The following ETV1 variants were observed in gnomAD, a reference collection of about 807,000 sequenced individuals.
ETV1 encodes the protein ETS variant transcription factor 1.
In ETV1, 27 loss-of-function variants were observed where a neutral mutation model predicts 62.3. That is an observed-to-expected ratio of 0.43 (90% confidence interval 0.32 to 0.60). The LOEUF is 0.60. Ranked by LOEUF, ETV1 falls within the 20% of genes least tolerant of loss-of-function variation. ETV1 has a pLI of 0.06. For missense variants in ETV1, 605 were observed against 605.8 expected, an observed-to-expected ratio of 1.00 and a Z score of 0.01; for synonymous variants, 222 against 199.6, an observed-to-expected ratio of 1.11 and a Z score of -0.94.
intron 12 of ETV1, among the ~76,000 whole-genome samples, chr7:13,901,163 C>T (rs1782381662): frequency 6.6e-6 from 1 of 152,112 alleles, no homozygotes; most frequent in African/African-American, 2.4e-5. Context: ...CCCCACCACG[C>T]CCGGCTAATT....
At chr7:13,929,423 A>G (rs1038980206) in intron 9 of ETV1, among the ~76,000 whole-genome samples, 5 of 152,186 alleles carry the variant, frequency 3.3e-5, no homozygotes, top group Non-Finnish European at 7.3e-5. Context: ...ACAACCTCTC[A>G]GCCATGTCAA....
intron 5 of ETV1, 46 bp from the exon 6 acceptor site, chr7:13,977,526 CA>C: frequency 7.7e-7 from 1 of 1,301,270 alleles, no homozygotes; most frequent in South Asian, 1.3e-5. Flanking sequence ...GAGAAACTGC[CA>C]AAAGCATAAG....
rs189588904 is a variant in ETV1 at position 13,910,542 on chromosome 7, C to T, written c.871+697G>A. On this transcript the variant is annotated intron_variant, in intron 10 of 13. Transcript: ENST00000430479. ...TTTAAAATTCTACTAATATCATTTA[C>T]ACAAAATAACCAATATTAGACCTAG... 6.6e-4 allele frequency: 341 copies of T among 515,098 alleles called. 3 individuals carry two copies. Among genetic ancestry groups the T allele is most frequent in the Non-Finnish European group, 1.2e-4 (48 of 400,482 alleles). The allele number at this position is 515,098 out of a possible 1,614,324, so 31.9% of individuals were successfully genotyped here.
At chr7:13,931,283 GGT>G (rs1342234644) in intron 9 of ETV1, among the ~76,000 whole-genome samples, 1 of 152,136 alleles carries the variant, frequency 6.6e-6, no homozygotes, top group Non-Finnish European at 1.5e-5. Flanking sequence ...TCTTTAAACT[GGT>G]TTTGTTTCCA....
At chr7:13,947,027 C>T (rs552135121) in intron 6 of ETV1, among the ~76,000 whole-genome samples, 135 of 152,188 alleles carry the variant, frequency 8.9e-4, no homozygotes, top group Non-Finnish European at 2.2e-4. Flanking sequence ...CAGACCGCCT[C>T]GGCCTCCCAA....
intron 12 of ETV1, 146 bp from the exon 13 acceptor site, chr7:13,900,985 A>T: frequency 4.1e-6 from 2 of 486,050 alleles, no homozygotes; most frequent in Non-Finnish European, 7.1e-6. Context: ...CGTAATCTGG[A>T]TTTCCTGTCT....
intron 9 of ETV1, among the ~76,000 whole-genome samples, chr7:13,918,977 AG>A (rs1425906247): frequency 6.6e-6 from 1 of 152,012 alleles, no homozygotes; most frequent in Admixed American, 6.6e-5. Flanking sequence ...CTTATCCTCT[AG>A]CCCCAAATAC....
At chr7:13,920,370 C>CCA (rs1316873802) in intron 9 of ETV1, among the ~76,000 whole-genome samples, 2 of 152,152 alleles carry the variant, frequency 1.3e-5, no homozygotes, top group African/African-American at 4.8e-5. Flanking sequence ...AGTCAACTGG[C>CCA]ATAAGCAGCA....
At chr7:13,975,703 A>G (rs532556862) in intron 6 of ETV1, among the ~76,000 whole-genome samples, 1 of 151,112 alleles carries the variant, frequency 6.6e-6, no homozygotes, top group African/African-American at 2.4e-5. Context: ...TGTAAAAAAC[A>G]AAAAAAAATA....
chr7:13,974,310 G>T (rs980376731), intron 6 of ETV1, among the ~76,000 whole-genome samples: 2 of 152,176 alleles, frequency 1.3e-5, no homozygotes, highest in African/African-American at 4.8e-5. Context: ...AATTAGAAGG[G>T]CTAAAGTACA....
chr7:13,904,166 T>C (rs1306730790), intron 12 of ETV1, among the ~76,000 whole-genome samples: 1 of 152,196 alleles, frequency 6.6e-6, no homozygotes, highest in Non-Finnish European at 1.5e-5. Context: ...CATTGCCTGA[T>C]GGAAGTAATT....
chr7:13,928,348 G>A (rs1301338315), intron 9 of ETV1, among the ~76,000 whole-genome samples: 1 of 152,200 alleles, frequency 6.6e-6, no homozygotes, highest in Non-Finnish European at 1.5e-5. Context: ...TGGGCGTGGT[G>A]GCTCACGCTT....
intron 9 of ETV1, among the ~76,000 whole-genome samples, chr7:13,920,163 C>T (rs1784674272): frequency 6.6e-6 from 1 of 152,126 alleles, no homozygotes; most frequent in Admixed American, 6.5e-5. Context: ...CCTTTCCTGC[C>T]TGTAAAATCC....
At chr7:13,941,225 TAA>T (rs1308461499) in intron 6 of ETV1, among the ~76,000 whole-genome samples, 1 of 152,204 alleles carries the variant, frequency 6.6e-6, no homozygotes, top group Admixed American at 6.5e-5. Flanking sequence ...AAACCAACTA[TAA>T]AAAGACAACT....
At chr7:13,986,419 G>T (rs1054706750) in intron 5 of ETV1, 1 of 1,486,470 alleles carries the variant, frequency 6.7e-7, no homozygotes, top group African/African-American at 1.4e-5. Flanking sequence ...TTGTGAGCTG[G>T]AAGCAATTTC....
chr7:13,988,632 A>T, intron 3 of ETV1: 1 of 1,492,104 alleles, frequency 6.7e-7, no homozygotes, highest in African/African-American at 1.5e-5. Context: ...AAAAAAAAAG[A>T]AACAAAAACA....
Position 13,989,084 on chromosome 7 carries a change from T to C in ETV1, c.-32A>G. 6.9e-7 allele frequency: 1 copy of C among 1,455,436 alleles called. No individual in the cohort carries two copies. The highest frequency in any genetic ancestry group is 9.0e-7 in the Non-Finnish European group (1 of 1,105,090). 90.2% of individuals were successfully genotyped at this position (1,455,436 alleles called of 1,614,324 possible). On this transcript the variant is annotated 5_prime_UTR_variant, in exon 3 of 14. Transcript: ENST00000430479. Reference sequence around the variant, plus strand: ...GCTCTTCGCAAATCTCAGCTCAGTATTTTATATTTTGAGCATTTAGCTGGA... The same window carrying C: ...GCTCTTCGCAAATCTCAGCTCAGTACTTTATATTTTGAGCATTTAGCTGGA...
intron 13 of ETV1, among the ~76,000 whole-genome samples, chr7:13,899,231 A>C (rs901917726): frequency 6.6e-6 from 1 of 152,188 alleles, no homozygotes; most frequent in Non-Finnish European, 1.5e-5. Context: ...TATTTGAAGG[A>C]TCTTACTACA....
intron 3 of ETV1, 30 bp from the exon 4 acceptor site, chr7:13,988,203 A>G: frequency 6.7e-7 from 1 of 1,491,532 alleles, no homozygotes; most frequent in South Asian, 1.1e-5. Context: ...ATCCTTTAAA[A>G]GAATGTAAAC....
Sources: gnomAD v4.1 joint callset for allele counts (sites outside exome capture counted in the v4.1 genomes callset) on GRCh38, gnomAD v4.1.1 for gene constraint, MANE v1.5 for transcripts, NCBI Gene and HGNC (gene_info 2026-07-23, HGNC 2026-07-21) for gene names.